Variants in PPP1R2 observed in about 807,000 individuals in gnomAD.
PPP1R2 encodes the protein protein phosphatase 1 regulatory inhibitor subunit 2.
In PPP1R2, 16 loss-of-function variants were observed where a neutral mutation model predicts 29.9. The observed-to-expected ratio is 0.53, with a 90% confidence interval of 0.36 to 0.81. The LOEUF (loss-of-function observed/expected upper bound fraction) is 0.81. PPP1R2 is among the 30% of genes least tolerant of loss of function. The probability of loss-of-function intolerance (pLI) is 0.00; values close to 1 mark genes in which losing one functional copy is unlikely to be tolerated. For missense variants in PPP1R2, 197 were observed against 252.7 expected (o/e 0.78, Z 1.49); for synonymous variants, 76 against 91.5 (o/e 0.83, Z 0.96).
At chr3:195,527,374 T>C (rs1719010389) in intron 2 of PPP1R2, among the ~76,000 whole-genome samples, 1 of 151,980 alleles carries the variant, frequency 6.6e-6, no homozygotes, top group Non-Finnish European at 1.5e-5. Flanking sequence ...CTCTTGAACC[T>C]GAGACATGGA....
At position 195,519,125 on chromosome 3, in the gene PPP1R2, T is replaced by C; in HGVS notation, c.464A>G (p.Lys155Arg). The change falls in exon 5 of 6, where the codon AAA (lysine) becomes AGA (arginine). Residue 155 changes from lysine to arginine, a missense_variant. By Grantham distance (26) the Lys-to-Arg change is conservative. This residue lies in a region of PPP1R2 where 135 missense variants were observed against 163.0 expected (regional missense o/e 0.83). Transcript: ENST00000618156. ...TTTTGAAATTAATTGTCTGGCTAGT[T>C]TGATATTGAGTCCTTCATTGTAGTG... ...KLHYNEGLNI[K>R]LARQLISKDL... is the part of the protein sequence containing the mutation. 6.2e-7 allele frequency: 1 copy of C among 1,612,946 alleles called. No homozygotes were observed. Among genetic ancestry groups the C allele is most frequent in the Non-Finnish European group, 8.5e-7 (1 of 1,179,586 alleles).
chr3:195,524,139 G>C (rs182768083), intron 3 of PPP1R2, among the ~76,000 whole-genome samples: 1 of 152,120 alleles, frequency 6.6e-6, no homozygotes, highest in East Asian at 1.9e-4. Flanking sequence ...CAAGAACAGT[G>C]GAATGGGTGC....
At chr3:195,517,974 A>T (rs1718610827) in intron 5 of PPP1R2, among the ~76,000 whole-genome samples, 1 of 152,216 alleles carries the variant, frequency 6.6e-6, no homozygotes, top group South Asian at 2.1e-4. Context: ...ATGCTTACCA[A>T]AATGGTAATA....
chr3:195,542,433 A>G (rs751495824), intron 1 of PPP1R2, among the ~76,000 whole-genome samples: 17 of 152,218 alleles, frequency 1.1e-4, no homozygotes, highest in Non-Finnish European at 2.1e-4. Flanking sequence ...CTGGTTGCAG[A>G]TGCAGAAATA....
At chr3:195,542,302 C>T (rs921556017) in intron 1 of PPP1R2, among the ~76,000 whole-genome samples, 1 of 152,092 alleles carries the variant, frequency 6.6e-6, no homozygotes. Flanking sequence ...ACATGTGTAT[C>T]TTTAGCGTAT....
At chr3:195,537,481 T>TTGTGTGTGTGTG (rs71180930) in intron 1 of PPP1R2, among the ~76,000 whole-genome samples, 5,326 of 128,464 alleles carry the variant, frequency 0.041, 135 homozygotes, top group East Asian at 0.057. Context: ...GGATTAGCTA[T>TTGTGTGTGTGTG]TGTGTGTGTG....
At chr3:195,535,983 GACC>G (rs76385862) in intron 1 of PPP1R2, among the ~76,000 whole-genome samples, 13,543 of 152,108 alleles carry the variant, frequency 0.089, 1,145 homozygotes, top group East Asian at 0.39. Context: ...CAATGTGAAA[GACC>G]ACCAGGATAA....
rs1719656399 is a variant in PPP1R2 at position 195,542,967 on chromosome 3, G to A, written c.59C>T (p.Ser20Phe). 3 of 1,603,320 alleles carry A rather than the reference G, an allele frequency of 1.9e-6. No homozygotes were observed. The highest frequency in any genetic ancestry group is 2.6e-6 in the Non-Finnish European group (3 of 1,174,900). Residue 20 changes from serine to phenylalanine, a missense_variant, in exon 1 of 6, where the codon TCT (serine) becomes TTT (phenylalanine). This residue lies in a region of PPP1R2 where 54 missense variants were observed against 60.6 expected (regional missense o/e 0.89). Coordinates refer to ENST00000618156, the MANE Select transcript of PPP1R2 (RefSeq NM_006241.8). Reference sequence around the variant, plus strand: ...CGACGCCACCATAGAGGAAGTCGTAGAGGTCTTGTTCTTCAAGATCCCCTT... The same window carrying A: ...CGACGCCACCATAGAGGAAGTCGTAAAGGTCTTGTTCTTCAAGATCCCCTT... Reference protein sequence around the residue: ...PIKGILKNKTSTTSSMVASAE... With the variant: ...PIKGILKNKTFTTSSMVASAE...
At chr3:195,536,072 G>A (rs1231882793) in intron 1 of PPP1R2, among the ~76,000 whole-genome samples, 1 of 152,116 alleles carries the variant, frequency 6.6e-6, no homozygotes, top group Non-Finnish European at 1.5e-5. Flanking sequence ...TAAGAACGCA[G>A]TAACATAATA....
intron 1 of PPP1R2, among the ~76,000 whole-genome samples, chr3:195,535,169 G>C (rs762214166): frequency 6.1e-4 from 93 of 152,164 alleles, no homozygotes; most frequent in Non-Finnish European, 4.0e-4. Flanking sequence ...TCAGGCATTA[G>C]ACTCTCATAA....
Position 195,535,487 on chromosome 3 carries a change from G to A in PPP1R2, c.123-5586C>T, listed in dbSNP as rs931335811. Among the ~76,000 whole-genome samples, 8 of 152,192 alleles carry A rather than the reference G, an allele frequency of 5.3e-5. No individual in the cohort carries two copies. The East Asian group carries it at 7.7e-4, about 15-fold the overall frequency. On this transcript the variant is annotated intron_variant, in intron 1 of 5. Coordinates refer to ENST00000618156, the MANE Select transcript of PPP1R2 (RefSeq NM_006241.8). ...ATCCAGATGTTACGCATGACTTCAC[G>A]GGATTTACGACAGTGCCAATCAAGG... is the stretch of plus-strand genomic sequence containing the variant.
intron 1 of PPP1R2, among the ~76,000 whole-genome samples, chr3:195,538,866 G>GAT (rs1339081007): frequency 6.6e-6 from 1 of 152,182 alleles, no homozygotes; most frequent in African/African-American, 2.4e-5. Flanking sequence ...CTAAGGCACA[G>GAT]ATATAATGAA....
In PPP1R2 at chr3:195,524,916, G is replaced by C. The variant is rs779539814; in HGVS notation, c.231-20C>G. The C allele has an allele frequency of 1.1e-5, 18 of 1,601,822 alleles. No individual in the cohort carries two copies. The highest frequency in any genetic ancestry group is 6.7e-5 in the Admixed American group (4 of 59,916). On this transcript the variant is annotated intron_variant, in intron 2 of 5. Coordinates refer to ENST00000618156, the MANE Select transcript of PPP1R2 (RefSeq NM_006241.8). ...ATCATACTAGTATGACAAGCACATTGTAATTAATACCTGAAACATACATTT... is the reference window on the plus strand; with the variant it reads ...ATCATACTAGTATGACAAGCACATTCTAATTAATACCTGAAACATACATTT...
chr3:195,541,982 TC>T (rs1719615123), intron 1 of PPP1R2, among the ~76,000 whole-genome samples: 1 of 152,198 alleles, frequency 6.6e-6, no homozygotes, highest in Admixed American at 6.5e-5. Context: ...ACAAACATCC[TC>T]ATTTTAGCTT....
At chr3:195,519,379 CTATCTGGCATTCA>C in intron 4 of PPP1R2, 194 bp from the exon 5 acceptor site, 2 of 468,006 alleles carry the variant, frequency 4.3e-6, no homozygotes, top group Non-Finnish European at 3.7e-6. Context: ...AAAATATTTA[CTATCTGGCATTCA>C]TCTCAATGGA....
intron 1 of PPP1R2, among the ~76,000 whole-genome samples, chr3:195,535,474 C>T (rs73890857): frequency 1.3e-5 from 2 of 152,184 alleles, no homozygotes; most frequent in Admixed American, 6.5e-5. Context: ...CCAGATGTTA[C>T]GCATGACTTC....
At chr3:195,521,314 C>CAAAAAAAAAAAAAAAAAAAA (rs869228346) in intron 4 of PPP1R2, among the ~76,000 whole-genome samples, 1 of 56,676 alleles carries the variant, frequency 1.8e-5, no homozygotes, top group African/African-American at 6.8e-5. Context: ...GACTCTGTCT[C>CAAAAAAAAAAAAAAAAAAAA]AAAAAAAAAA....
chr3:195,527,859 G>C (rs1463894294), intron 2 of PPP1R2: 2 of 368,436 alleles, frequency 5.4e-6, no homozygotes, highest in African/African-American at 4.3e-5. Flanking sequence ...AACATAGCCA[G>C]ATCTTGTATC....
At chr3:195,526,895 C>A (rs1718992191) in intron 2 of PPP1R2, among the ~76,000 whole-genome samples, 1 of 152,174 alleles carries the variant, frequency 6.6e-6, no homozygotes, top group African/African-American at 2.4e-5. Context: ...GATTCTCCTG[C>A]CTCAGCCTCC....
Sources: gnomAD v4.1 joint callset for allele counts (sites outside exome capture counted in the v4.1 genomes callset) on GRCh38, gnomAD v4.1.1 for gene constraint, gnomAD v4.1.1 regional missense constraint, MANE v1.5 for transcripts, NCBI Gene and HGNC (gene_info 2026-07-23, HGNC 2026-07-21) for gene names.